The following TCOF1 variants were observed in gnomAD, a reference collection of about 807,000 sequenced individuals.
TCOF1 encodes the protein treacle ribosome biogenesis factor 1.
Under a neutral mutation model 149.0 loss-of-function variants are expected in TCOF1, and 33 were observed. That is an observed-to-expected ratio of 0.22 (90% CI 0.17 to 0.30). The LOEUF is 0.30. Ranked by LOEUF, TCOF1 falls within the 10% of genes least tolerant of loss-of-function variation. The pLI, the probability that TCOF1 is intolerant of heterozygous loss-of-function variation, is 1.00. For missense variants in TCOF1, 1,728 were observed against 1,840.7 expected (o/e 0.94, Z 1.12); for synonymous variants, 789 against 738.8 (o/e 1.07, Z -1.10).
intron 4 of TCOF1, chr5:150,368,303 C>T: frequency 2.9e-6 from 1 of 349,528 alleles, no homozygotes; most frequent in Non-Finnish European, 5.3e-6. Flanking sequence ...ACTCTAAAAG[C>T]ATTTTCCAAA....
At chr5:150,376,690 A>G in intron 14 of TCOF1, 70 bp downstream of exon 14, 1 of 1,495,104 alleles carries the variant, frequency 6.7e-7, no homozygotes, top group African/African-American at 1.4e-5. Context: ...GATGGGCTTG[A>G]CTGGGGGCTA....
At chr5:150,361,233 G>T (rs1443601585) in intron 2 of TCOF1, 22 bp downstream of exon 2, 2 of 1,613,916 alleles carry the variant, frequency 1.2e-6, no homozygotes, top group South Asian at 1.1e-5. Context: ...GGCCTATAGG[G>T]TGGAGTAGGG....
chr5:150,396,953 G>T (rs1768671294), intron 24 of TCOF1, 111 bp downstream of exon 24: 2 of 1,304,362 alleles, frequency 1.5e-6, no homozygotes, highest in African/African-American at 3.0e-5. Flanking sequence ...GAAAAGAGAG[G>T]CTGAGACCAG....
intron 3 of TCOF1, among the ~76,000 whole-genome samples, chr5:150,367,304 C>T (rs969981408): frequency 6.6e-6 from 1 of 152,106 alleles, no homozygotes; most frequent in African/African-American, 2.4e-5. Context: ...GACTCTGTCC[C>T]AGTAAATAAA....
intron 6 of TCOF1, among the ~76,000 whole-genome samples, chr5:150,371,612 G>T (rs1159794592): frequency 6.6e-6 from 1 of 152,190 alleles, no homozygotes; most frequent in East Asian, 1.9e-4. Context: ...TGAACTCCTG[G>T]CCCTCAGGAG....
chr5:150,379,434 C>T, intron 16 of TCOF1, 26 bp downstream of exon 16: 1 of 1,613,934 alleles, frequency 6.2e-7, no homozygotes, highest in Non-Finnish European at 8.5e-7. Flanking sequence ...TGGAGATCAT[C>T]CCCTACATGG....
At chr5:150,373,027 A>T (rs533064127) in intron 7 of TCOF1, among the ~76,000 whole-genome samples, 15 of 152,268 alleles carry the variant, frequency 9.9e-5, no homozygotes, top group African/African-American at 3.6e-4. Context: ...TCTATTTTGC[A>T]GTGTCTGGGG....
At position 150,398,441 on chromosome 5, in the gene TCOF1, A is replaced by G. The variant is rs370806030; in HGVS notation, c.4433A>G (p.Lys1478Arg). Reference sequence around the variant, plus strand: ...TCTGAGTCACCGTCCCAGAAGAAAAAGAAGAAAAAGGTAGAGAGTTCCTGG... The same window carrying G: ...TCTGAGTCACCGTCCCAGAAGAAAAGGAAGAAAAAGGTAGAGAGTTCCTGG... Reference protein sequence around the residue: ...KDSESPSQKKKKKKKKTAEQT... With the variant: ...KDSESPSQKKRKKKKKTAEQT... Residue 1478 changes from lysine to arginine, a missense_variant, in exon 25 of 27, where the codon AAG becomes AGG. This residue lies in a region of TCOF1 where 1,696 missense variants were observed against 1,765.4 expected (regional missense o/e 0.96). Transcript: ENST00000643257. The G allele has an allele frequency of 5.9e-5, 95 of 1,614,056 alleles. No individual in the cohort carries two copies. The highest frequency in any genetic ancestry group is 7.4e-5 in the Non-Finnish European group (87 of 1,180,022).
Position 150,396,614 on chromosome 5 carries a change from G to A in TCOF1, c.4117G>A (p.Gly1373Ser), listed in dbSNP as rs2151103465. The change falls in exon 24 of 27, where the codon GGT (glycine) becomes AGT (serine). Residue 1373 changes from glycine (G) to serine (S), a missense_variant. Physicochemically the swap from Gly to Ser is moderately conservative, Grantham distance 56. Transcript: ENST00000643257. Reference protein sequence around the residue: ...KKKKKLGAGEGGEASVSPEKT... With the variant: ...KKKKKLGAGESGEASVSPEKT... ...GAAGAAGAAGCTGGGGGCCGGGGAA[G>A]GTGGGGAGGCCTCTGTTTCCCCAGA... The A allele has an allele frequency of 6.3e-7, 1 of 1,592,494 alleles. No homozygotes were observed. Among genetic ancestry groups the A allele is most frequent in the East Asian group, 2.3e-5 (1 of 44,122 alleles).
rs746357519 is a variant in TCOF1 at position 150,396,651 on chromosome 5, C to T, written c.4154C>T (p.Thr1385Met). 73 of 1,608,490 alleles carry T rather than the reference C, an allele frequency of 4.5e-5. No individual in the cohort carries two copies. Among genetic ancestry groups the T allele is most frequent in the Non-Finnish European group, 5.3e-5 (62 of 1,177,382 alleles). ...TCTGTTTCCCCAGAAAAGACCTCCA[C>T]GACTTCCAAGGGGAAAGCAAAGAGA... ...EASVSPEKTS[T>M]TSKGKAKRDK... is the part of the protein sequence containing the mutation. Residue 1385 changes from threonine (T) to methionine (M), a missense_variant, in exon 24 of 27, where the codon ACG (threonine) becomes ATG (methionine). By Grantham distance (81) the Thr-to-Met change is moderately conservative. Coordinates refer to ENST00000643257, the MANE Select transcript of TCOF1 (RefSeq NM_001371623.1).
chr5:150,363,148 A>G (rs1004049598), intron 2 of TCOF1, among the ~76,000 whole-genome samples: 4 of 152,248 alleles, frequency 2.6e-5, no homozygotes, highest in South Asian at 2.1e-4. Flanking sequence ...AGCATCTACT[A>G]CAACCCAGCA....
intron 19 of TCOF1, among the ~76,000 whole-genome samples, chr5:150,391,024 A>G (rs1340974323): frequency 6.6e-6 from 1 of 152,240 alleles, no homozygotes; most frequent in African/African-American, 2.4e-5. Flanking sequence ...AAAAGCAGCC[A>G]GTCACAGGAT....
At chr5:150,393,257 G>T in intron 22 of TCOF1, 115 bp from the exon 23 acceptor site, 1 of 1,280,966 alleles carries the variant, frequency 7.8e-7, no homozygotes. Context: ...GCACTGATAG[G>T]GCAGGGTGAT....
chr5:150,398,480 A>G (rs891581980), intron 25 of TCOF1, 29 bp downstream of exon 25: 1 of 1,613,936 alleles, frequency 6.2e-7, no homozygotes, highest in Non-Finnish European at 8.5e-7. Flanking sequence ...GTCTCAGGCC[A>G]GAAAACAGAC....
At chr5:150,388,873 G>T (rs943190171) in intron 18 of TCOF1, among the ~76,000 whole-genome samples, 1 of 152,228 alleles carries the variant, frequency 6.6e-6, no homozygotes, top group African/African-American at 2.4e-5. Flanking sequence ...AGAAGTTGCA[G>T]TGATCTGAGA....
At chr5:150,360,427 C>A (rs1412691485) in intron 1 of TCOF1, among the ~76,000 whole-genome samples, 2 of 152,202 alleles carry the variant, frequency 1.3e-5, no homozygotes, top group Non-Finnish European at 2.9e-5. Flanking sequence ...TGTGGTCATG[C>A]CACCTGGATG....
chr5:150,396,504 A>G lies in TCOF1; in HGVS notation c.4007A>G (p.Lys1336Arg), dbSNP rs55980697. The G allele has an allele frequency of 0.01, 16,165 of 1,612,838 alleles. 94 individuals carry two copies. Among genetic ancestry groups the G allele is most frequent in the Middle Eastern group, 0.012 (75 of 6,030 alleles). The change falls in exon 24 of 27, where the codon AAG becomes AGG. Residue 1336 changes from lysine (K) to arginine (R), a missense_variant. Coordinates refer to ENST00000643257, the MANE Select transcript of TCOF1 (RefSeq NM_001371623.1). ...AGAAAGAAGGTGGTGGACACCACCA[A>G]GGAGAGCAGCAGGAAGGGCTGGGAG... ...QERKKVVDTT[K>R]ESSRKGWESR...
In TCOF1 at chr5:150,399,012, C is replaced by G. The variant is rs957571619; in HGVS notation, c.4444-10C>G. ...AGGTCTGAGAGCCTCTCGTACTTCC[C>G]TCCTCACAGAAGAAGACAGCAGAGC... On this transcript the variant is annotated splice_polypyrimidine_tract_variant and intron_variant, in intron 25 of 26. Transcript: ENST00000643257. 2 of 1,614,234 alleles carry G rather than the reference C, an allele frequency of 1.2e-6. No homozygotes were observed. The highest frequency in any genetic ancestry group is 1.7e-6 in the Non-Finnish European group (2 of 1,180,048).
intron 14 of TCOF1, among the ~76,000 whole-genome samples, chr5:150,378,097 T>C (rs1214574394): frequency 2.0e-5 from 3 of 152,248 alleles, no homozygotes; most frequent in African/African-American, 7.2e-5. Flanking sequence ...GTCCACACTG[T>C]AGGGAATCTT....
Sources: gnomAD v4.1 joint callset for allele counts (sites outside exome capture counted in the v4.1 genomes callset) on GRCh38, gnomAD v4.1.1 for gene constraint, gnomAD v4.1.1 regional missense constraint, MANE v1.5 for transcripts, NCBI Gene and HGNC (gene_info 2026-07-23, HGNC 2026-07-21) for gene names.